Variants in KDM4B observed in about 807,000 individuals in gnomAD.
KDM4B encodes lysine demethylase 4B, also known as lysine-specific demethylase 4B.
A neutral mutation model predicts 125.2 loss-of-function variants in KDM4B; 32 were observed. The ratio of observed to expected loss-of-function variants is 0.26; its 90% confidence interval spans 0.19 to 0.34. The LOEUF is 0.34. Ranked by LOEUF, KDM4B falls within the 10% of genes least tolerant of loss-of-function variation. The pLI is 1.00. For synonymous variants in KDM4B, 721 were observed against 677.9 expected (o/e 1.06, Z -0.99); for missense variants, 1,190 against 1,577.7 (o/e 0.75, Z 4.16).
intron 14 of KDM4B, among the ~76,000 whole-genome samples, chr19:5,135,133 G>A (rs1320485611): frequency 2.0e-5 from 3 of 152,230 alleles, no homozygotes; most frequent in African/African-American, 7.2e-5. Context: ...GGCGGGTTGG[G>A]GACAGGGTCA....
At chr19:5,071,233 C>G (rs555569748) in intron 7 of KDM4B, among the ~76,000 whole-genome samples, 174 bp downstream of exon 7, 7 of 152,238 alleles carry the variant, frequency 4.6e-5, no homozygotes, top group Non-Finnish European at 8.8e-5. Flanking sequence ...CTCCCACCCT[C>G]GTGGTCAGAT....
chr19:5,145,953 A>G (rs1264693605), intron 21 of KDM4B, among the ~76,000 whole-genome samples: 11 of 152,248 alleles, frequency 7.2e-5, no homozygotes, highest in Non-Finnish European at 1.6e-4. Flanking sequence ...GGCCGCATTA[A>G]GGAAAGGTCC....
intron 10 of KDM4B, chr19:5,111,547 G>A (rs1282865706): frequency 1.3e-6 from 1 of 762,276 alleles, no homozygotes; most frequent in Non-Finnish European, 2.4e-6. Flanking sequence ...GAGTGAAGGC[G>A]AGCACCGGCC....
intron 6 of KDM4B, among the ~76,000 whole-genome samples, chr19:5,054,973 G>A (rs969761368): frequency 6.6e-6 from 1 of 152,204 alleles, no homozygotes; most frequent in East Asian, 1.9e-4. Flanking sequence ...AAATTAACTC[G>A]TGATGCTGCA....
At chr19:5,133,856 C>G (rs758251705) in intron 13 of KDM4B, 27 bp from the exon 14 acceptor site, 2 of 1,608,536 alleles carry the variant, frequency 1.2e-6, no homozygotes, top group Non-Finnish European at 8.5e-7. Flanking sequence ...TCAAGTGTCT[C>G]TCTCCCTCTC....
chr19:5,146,103 C>G (rs1481513755), intron 21 of KDM4B, among the ~76,000 whole-genome samples: 1 of 144,882 alleles, frequency 6.9e-6, no homozygotes, highest in Non-Finnish European at 1.5e-5. Flanking sequence ...ATCCAGGACC[C>G]CCACCCCCGG....
At chr19:5,030,288 A>G (rs1239027599) in intron 2 of KDM4B, among the ~76,000 whole-genome samples, 1 of 152,132 alleles carries the variant, frequency 6.6e-6, no homozygotes, top group Non-Finnish European at 1.5e-5. Flanking sequence ...TGTCGTACAG[A>G]GCACAAGTTT....
chr19:5,009,168 G>A (rs564995980), intron 1 of KDM4B, among the ~76,000 whole-genome samples: 1 of 152,218 alleles, frequency 6.6e-6, no homozygotes, highest in African/African-American at 2.4e-5. Context: ...GCTCACCTTG[G>A]CCTCCCAAAG....
At chr19:5,089,210 C>G (rs2038608990) in intron 9 of KDM4B, among the ~76,000 whole-genome samples, 1 of 152,224 alleles carries the variant, frequency 6.6e-6, no homozygotes, top group Non-Finnish European at 1.5e-5. Context: ...CCAGAAACAT[C>G]CTTCCCCCAG....
chr19:5,113,970 G>T (rs1274312043), intron 10 of KDM4B: 4 of 1,237,764 alleles, frequency 3.2e-6, no homozygotes, highest in African/African-American at 1.6e-5. Flanking sequence ...CCTTACATGG[G>T]TCTCTTCCAG....
intron 2 of KDM4B, among the ~76,000 whole-genome samples, chr19:5,017,818 G>A (rs1304394084): frequency 1.3e-5 from 2 of 151,800 alleles, no homozygotes; most frequent in African/African-American, 4.8e-5. Context: ...TCAGCTCACT[G>A]CAAGCTCCGC....
chr19:5,091,816 G>T (rs190620549), intron 9 of KDM4B, among the ~76,000 whole-genome samples: 2 of 152,162 alleles, frequency 1.3e-5, no homozygotes, highest in African/African-American at 2.4e-5. Context: ...CCTCTGACCC[G>T]CTGGAGCCCA....
rs117537942 is a variant in KDM4B at position 5,013,598 on chromosome 19, C to G, written c.-108-2659C>G. Among the ~76,000 whole-genome samples, 679 of 152,262 alleles carry G rather than the reference C, an allele frequency of 4.5e-3. 26 individuals are homozygous for G. In the South Asian group the frequency reaches 0.065, roughly 15 times the overall value. Reference sequence around the variant, plus strand: ...CCAGCGTCTAGAGGTGTCCGCATCCCTCGGCTTGGGGCCCTTCCTCCCCCT... The same window carrying G: ...CCAGCGTCTAGAGGTGTCCGCATCCGTCGGCTTGGGGCCCTTCCTCCCCCT... On this transcript the variant is annotated intron_variant, in intron 1 of 22. Transcript: ENST00000159111.
At chr19:5,126,900 C>A (rs544028821) in intron 11 of KDM4B, among the ~76,000 whole-genome samples, 1 of 152,352 alleles carries the variant, frequency 6.6e-6, no homozygotes, top group South Asian at 2.1e-4. Flanking sequence ...GTGAGTTGAT[C>A]TCGGCAGCCT....
intron 1 of KDM4B, among the ~76,000 whole-genome samples, chr19:4,976,249 C>CAA (rs11327138): frequency 5.8e-5 from 5 of 85,534 alleles, no homozygotes; most frequent in Non-Finnish European, 9.7e-5. Flanking sequence ...AACTCAGTCT[C>CAA]AAAAAAAAAA....
chr19:5,111,289 GTGGGGC>G, intron 10 of KDM4B: 1 of 709,302 alleles, frequency 1.4e-6, no homozygotes, highest in Non-Finnish European at 2.6e-6. Flanking sequence ...GGGGCATCAG[GTGGGGC>G]TGCTTGGATT....
intron 9 of KDM4B, among the ~76,000 whole-genome samples, chr19:5,095,762 A>G (rs1183867906): frequency 2.0e-5 from 3 of 152,210 alleles, no homozygotes; most frequent in African/African-American, 7.2e-5. Context: ...GAGGAGGGAG[A>G]GGGCCCGGAG....
chr19:4,998,169 G>A (rs2035261540), intron 1 of KDM4B, among the ~76,000 whole-genome samples: 1 of 152,160 alleles, frequency 6.6e-6, no homozygotes, highest in Non-Finnish European at 1.5e-5. Flanking sequence ...GGACGGACAG[G>A]TGGCCTTTGC....
chr19:5,056,860 C>T (rs1228106086), intron 6 of KDM4B, among the ~76,000 whole-genome samples: 6 of 90,778 alleles, frequency 6.6e-5, no homozygotes, highest in East Asian at 3.1e-4. Flanking sequence ...GACCCTGGGG[C>T]GGGGAGTCCT....
Sources: gnomAD v4.1 joint callset for allele counts (sites outside exome capture counted in the v4.1 genomes callset) on GRCh38, gnomAD v4.1.1 for gene constraint, MANE v1.5 for transcripts, NCBI Gene and HGNC (gene_info 2026-07-23, HGNC 2026-07-21) for gene names.